MAG: variants seen among roughly 807,000 people sequenced by gnomAD.
The protein encoded by MAG is myelin-associated glycoprotein.
Under a neutral mutation model 60.7 loss-of-function variants are expected in MAG, and 30 were observed. The ratio of observed to expected loss-of-function variants is 0.49; its 90% confidence interval spans 0.37 to 0.67. MAG has a LOEUF of 0.67. Among genes scored for constraint, MAG ranks in the 30% least tolerant of loss-of-function variants. The pLI, the probability that MAG is intolerant of heterozygous loss-of-function variation, is 0.00. For synonymous variants in MAG, 384 were observed against 376.8 expected (o/e 1.02, Z -0.22); for missense variants, 795 against 851.7 (o/e 0.93, Z 0.83).
At chr19:35,308,452 T>G (rs1023324164) in intron 7 of MAG, among the ~76,000 whole-genome samples, 1 of 152,330 alleles carries the variant, frequency 6.6e-6, no homozygotes, top group East Asian at 1.9e-4. Flanking sequence ...TATTTTGGGC[T>G]GGGCACAGTG....
At chr19:35,311,636 G>A (rs2066527709) in intron 9 of MAG, among the ~76,000 whole-genome samples, 1 of 152,204 alleles carries the variant, frequency 6.6e-6, no homozygotes, top group African/African-American at 2.4e-5. Context: ...AAGAGGGGCA[G>A]AAAGACCCAG....
chr19:35,310,612 A>C lies in MAG; in HGVS notation c.1585A>C (p.Ile529Leu). The change falls in exon 9 of 11, where the codon ATC (isoleucine) becomes CTC (leucine). Residue 529 changes from isoleucine (I) to leucine (L), a missense_variant. By Grantham distance (5) the Ile-to-Leu change is conservative (BLOSUM62 2). Transcript: ENST00000392213. ...GGTCGCCTTTGCCATCCTGATTGCCATCGTCTGCTACATTACCCAGACACG... is the reference window on the plus strand; with the variant it reads ...GGTCGCCTTTGCCATCCTGATTGCCCTCGTCTGCTACATTACCCAGACACG... ...AVVAFAILIA[I>L]VCYITQTRRK... 1 of 1,614,100 alleles carries C rather than the reference A, an allele frequency of 6.2e-7. No homozygotes were observed. Among genetic ancestry groups the C allele is most frequent in the Non-Finnish European group, 8.5e-7 (1 of 1,180,014 alleles).
chr19:35,303,429 GA>G (rs999400376), intron 7 of MAG, among the ~76,000 whole-genome samples: 4 of 152,172 alleles, frequency 2.6e-5, no homozygotes, highest in African/African-American at 9.7e-5. Flanking sequence ...TGTTTACGGA[GA>G]AGGAAACTGA....
chr19:35,300,308 C>T lies in MAG; in HGVS notation c.874C>T (p.Leu292=). The T allele has an allele frequency of 6.3e-7, 1 of 1,599,608 alleles. No homozygotes were observed. Among genetic ancestry groups the T allele is most frequent in the Non-Finnish European group, 8.5e-7 (1 of 1,179,368 alleles). The change falls in exon 6 of 11, where the codon CTG becomes TTG. Residue 292 remains leucine, a synonymous_variant. Coordinates refer to ENST00000392213, the MANE Select transcript of MAG (RefSeq NM_002361.4). ...GGTGGCCGAGAGCCTGCTCCTGGAG[C>T]TGGAGGAGGTGACCCCCGCCGAAGA... The part of the protein sequence containing the change: ...EAVAESLLLE[L]EEVTPAEDGV...
At position 35,298,924 on chromosome 19, in the gene MAG, A is replaced by G. The variant is rs1599649784; in HGVS notation, c.416-630A>G. On this transcript the variant is annotated intron_variant, in intron 4 of 10. Transcript: ENST00000392213. ...CACACAAACCACACATCACACACACAACACACACTGCACACATACCATACA... is the reference window on the plus strand; with the variant it reads ...CACACAAACCACACATCACACACACGACACACACTGCACACATACCATACA... Among the ~76,000 whole-genome samples, 3 of 150,032 alleles carry G rather than the reference A, an allele frequency of 2.0e-5. No homozygotes were observed. The South Asian group carries it at 6.3e-4, about 32-fold the overall frequency.
intron 7 of MAG, among the ~76,000 whole-genome samples, chr19:35,309,354 C>T (rs935004182): frequency 3.3e-5 from 5 of 152,142 alleles, no homozygotes; most frequent in African/African-American, 9.7e-5. Context: ...TACCCAGACA[C>T]GTCCGTGAGG....
intron 7 of MAG, among the ~76,000 whole-genome samples, chr19:35,306,410 T>C (rs1172968954): frequency 6.6e-6 from 1 of 152,118 alleles, no homozygotes; most frequent in Non-Finnish European, 1.5e-5. Context: ...CCATGAGTAC[T>C]TGGGTGGGAT....
At position 35,299,623 on chromosome 19, in the gene MAG, C is replaced by T. The variant is rs1339247833; in HGVS notation, c.485C>T (p.Pro162Leu). Residue 162 changes from proline to leucine, a missense_variant, in exon 5 of 11, where the codon CCG (proline) becomes CTG (leucine). Physicochemically the swap from Pro to Leu is moderately conservative, Grantham distance 98. Coordinates refer to ENST00000392213, the MANE Select transcript of MAG (RefSeq NM_002361.4). The part of the protein sequence containing the change: ...GTEVEVSCMV[P>L]DNCPELRPEL... ...GAGGTGGAGGTCAGCTGCATGGTGC[C>T]GGACAACTGCCCAGAGCTGCGCCCT... 1 of 1,610,626 alleles carries T rather than the reference C, an allele frequency of 6.2e-7. No homozygotes were observed. The highest frequency in any genetic ancestry group is 8.5e-7 in the Non-Finnish European group (1 of 1,178,244).
At chr19:35,292,262 C>A in intron 1 of MAG, 58 bp downstream of exon 1, 1 of 455,902 alleles carries the variant, frequency 2.2e-6, no homozygotes, top group Non-Finnish European at 4.4e-6. Flanking sequence ...GGCAGTGGCA[C>A]CCAGACGTGA....
intron 7 of MAG, among the ~76,000 whole-genome samples, chr19:35,307,664 G>A (rs1436759746): frequency 1.3e-5 from 2 of 152,154 alleles, no homozygotes; most frequent in Non-Finnish European, 2.9e-5. Flanking sequence ...TCCAGCCTGG[G>A]CGACAGAGAG....
intron 7 of MAG, among the ~76,000 whole-genome samples, chr19:35,306,627 G>A (rs2066487620): frequency 6.6e-6 from 1 of 151,608 alleles, no homozygotes; most frequent in Non-Finnish European, 1.5e-5. Context: ...TTGTAGAGAT[G>A]GGGTCTTGCT....
intron 10 of MAG, 72 bp from the exon 11 acceptor site, chr19:35,313,218 C>T: frequency 2.0e-6 from 3 of 1,492,616 alleles, no homozygotes; most frequent in East Asian, 2.3e-5. Context: ...TCTGAGGGTG[C>T]AAACGCTCTG....
At chr19:35,307,521 G>A (rs1013943377) in intron 7 of MAG, among the ~76,000 whole-genome samples, 2 of 152,024 alleles carry the variant, frequency 1.3e-5, no homozygotes, top group Non-Finnish European at 2.9e-5. Flanking sequence ...ATACAATTGC[G>A]TATTTTGGTA....
intron 7 of MAG, among the ~76,000 whole-genome samples, chr19:35,305,570 C>T (rs759542064): frequency 2.0e-5 from 3 of 152,212 alleles, no homozygotes; most frequent in Non-Finnish European, 4.4e-5. Flanking sequence ...CTGTCCCCAT[C>T]CTCCTGCCTG....
intron 7 of MAG, among the ~76,000 whole-genome samples, chr19:35,303,856 C>A (rs1484396692): frequency 2.0e-5 from 3 of 151,910 alleles, no homozygotes; most frequent in African/African-American, 7.3e-5. Flanking sequence ...AGTTTTGACT[C>A]CCCTTCCTTA....
At chr19:35,300,087 A>T in intron 5 of MAG, 60 bp from the exon 6 acceptor site, 11 of 1,468,848 alleles carry the variant, frequency 7.5e-6, no homozygotes, top group Non-Finnish European at 9.9e-6. Flanking sequence ...GGGCTGGGAG[A>T]GGGCACTGGG....
intron 9 of MAG, 97 bp downstream of exon 9, chr19:35,310,740 A>T: frequency 1.0e-6 from 1 of 996,808 alleles, no homozygotes; most frequent in Non-Finnish European, 1.6e-6. Context: ...AGGCAGCACC[A>T]TAAGTGTAGA....
intron 7 of MAG, among the ~76,000 whole-genome samples, chr19:35,309,323 C>T (rs981976186): frequency 5.9e-5 from 9 of 152,094 alleles, no homozygotes; most frequent in Admixed American, 2.0e-4. Context: ...CACAGTGCTA[C>T]GGCGAGAGAA....
intron 7 of MAG, among the ~76,000 whole-genome samples, chr19:35,305,916 G>GAGCACTCCAGCC: frequency 6.9e-6 from 1 of 145,630 alleles, no homozygotes; most frequent in African/African-American, 2.6e-5. Context: ...GATGGAGCCA[G>GAGCACTCCAGCC]TGCACTCCAG....
Sources: gnomAD v4.1 joint callset for allele counts (sites outside exome capture counted in the v4.1 genomes callset) on GRCh38, gnomAD v4.1.1 for gene constraint, MANE v1.5 for transcripts, NCBI Gene and HGNC (gene_info 2026-07-23, HGNC 2026-07-21) for gene names.